The following KDELR2 variants were observed in gnomAD, a reference collection of about 807,000 sequenced individuals.
The protein encoded by KDELR2 is KDEL endoplasmic reticulum protein retention receptor 2.
KDELR2 carries 15 observed loss-of-function variants against 23.9 expected under a neutral mutation model. The ratio of observed to expected loss-of-function variants is 0.63; its 90% CI spans 0.42 to 0.97. The LOEUF (loss-of-function observed/expected upper bound fraction) is 0.97. Ranked by LOEUF, KDELR2 falls within the 50% of genes least tolerant of loss-of-function variation. The pLI, the probability that KDELR2 is intolerant of heterozygous loss-of-function variation, is 0.00. For synonymous variants in KDELR2, 119 were observed against 106.2 expected, an observed-to-expected ratio of 1.12 and a Z score of -0.74; for missense variants, 272 against 254.6, an observed-to-expected ratio of 1.07 and a Z score of -0.46.
intron 1 of KDELR2, among the ~76,000 whole-genome samples, chr7:6,479,765 C>A (rs1785848275): frequency 6.6e-6 from 1 of 152,212 alleles, no homozygotes; most frequent in Non-Finnish European, 1.5e-5. Flanking sequence ...GCGTGAGCCA[C>A]CACGCCCAGC....
At chr7:6,469,250 C>G (rs1435667249) in intron 3 of KDELR2, among the ~76,000 whole-genome samples, 2 of 152,048 alleles carry the variant, frequency 1.3e-5, no homozygotes, top group Admixed American at 1.3e-4. Context: ...CTACGCCCAG[C>G]CATAACCTCT....
chr7:6,479,690 G>T (rs1785845722), intron 1 of KDELR2, among the ~76,000 whole-genome samples: 1 of 152,028 alleles, frequency 6.6e-6, no homozygotes, highest in Non-Finnish European at 1.5e-5. Context: ...TGTTAGCCAG[G>T]ATGGTCTGGA....
chr7:6,482,349 G>A (rs890251546), intron 1 of KDELR2: 1 of 253,118 alleles, frequency 4.0e-6, no homozygotes, highest in East Asian at 1.1e-4. Context: ...TAAAGCACTC[G>A]GCTGACTACT....
In KDELR2 at chr7:6,462,690, C is replaced by CA; in HGVS notation, c.*450dup. ...CAAACAAATACAGCTCATCTTTTGCCAAAAAATAAATATAGTGGAATGCAA... is the reference window on the plus strand; with the variant it reads ...CAAACAAATACAGCTCATCTTTTGCCAAAAAAATAAATATAGTGGAATGCAA... On this transcript the variant is annotated 3_prime_UTR_variant, in exon 5 of 5. Transcript: ENST00000258739. 3.4e-6 allele frequency: 1 copy of CA among 294,564 alleles called. No individual in the cohort carries two copies. The highest frequency in any genetic ancestry group is 6.7e-5 in the East Asian group (1 of 14,916). 18.2% of individuals were successfully genotyped at this position (294,564 alleles called of 1,614,324 possible).
chr7:6,466,388 C>T lies in KDELR2; in HGVS notation c.352-65G>A. 8 of 1,575,308 alleles carry T rather than the reference C, an allele frequency of 5.1e-6. No homozygotes were observed. In the South Asian group the frequency reaches 8.2e-5, roughly 16 times the overall value. On this transcript the variant is annotated intron_variant, in intron 3 of 4. Transcript: ENST00000258739. ...CCACCAGGAGCTCAGAGGAAACACT[C>T]TTGCTTTCTTTACCACAAAGCAGCC...
chr7:6,482,374 T>C (rs1785918927), intron 1 of KDELR2: 1 of 287,480 alleles, frequency 3.5e-6, no homozygotes, highest in East Asian at 9.5e-5. Context: ...ATACAGCAAG[T>C]GCCTAAACAT....
intron 4 of KDELR2, among the ~76,000 whole-genome samples, chr7:6,464,752 T>G (rs1282506938): frequency 8.9e-6 from 1 of 112,246 alleles, no homozygotes; most frequent in African/African-American, 3.4e-5. Context: ...TTTTTTTTTT[T>G]GAGACAGAGT....
At chr7:6,483,941 T>G in intron 1 of KDELR2, 26 bp downstream of exon 1, 1 of 1,481,966 alleles carries the variant, frequency 6.7e-7, no homozygotes. Flanking sequence ...CGCCCGAGCC[T>G]CTCCGGGCCT....
chr7:6,483,729 C>G (rs1583323472), intron 1 of KDELR2, among the ~76,000 whole-genome samples: 1 of 152,320 alleles, frequency 6.6e-6, no homozygotes, highest in African/African-American at 2.4e-5. Context: ...TCCGACAGCT[C>G]AAGTTCACGC....
chr7:6,463,863 C>T (rs535021655), intron 4 of KDELR2, among the ~76,000 whole-genome samples: 1 of 151,216 alleles, frequency 6.6e-6, no homozygotes, highest in South Asian at 2.1e-4. Flanking sequence ...GAGTTCAAGA[C>T]CAGCCTAGCC....
At chr7:6,465,207 A>G (rs185860051) in intron 4 of KDELR2, among the ~76,000 whole-genome samples, 4 of 136,452 alleles carry the variant, frequency 2.9e-5, no homozygotes, top group Non-Finnish European at 6.2e-5. Context: ...TTTGAGAGAG[A>G]GAGTCTCGCA....
In KDELR2 at chr7:6,463,150, C is replaced by T. The variant is rs1285538492; in HGVS notation, c.630G>A (p.Leu210=). Residue 210 remains leucine (L), a synonymous_variant, in exon 5 of 5, where the codon TTG becomes TTA. Coordinates refer to ENST00000258739, the MANE Select transcript of KDELR2 (RefSeq NM_006854.4). The stretch of plus-strand genomic sequence containing the variant: ...TGATGGTCTTTGGCACTTATGCTGG[C>T]AAACTGAGCTTCTTTCCCTTGAGTA... ...TKVLKGKKLS[L]PA The T allele has an allele frequency of 6.2e-7, 1 of 1,613,734 alleles. No individual in the cohort carries two copies. Among genetic ancestry groups the T allele is most frequent in the Non-Finnish European group, 8.5e-7 (1 of 1,179,988 alleles).
intron 1 of KDELR2, among the ~76,000 whole-genome samples, chr7:6,478,156 C>T (rs950924192): frequency 1.3e-5 from 2 of 151,706 alleles, no homozygotes; most frequent in African/African-American, 2.4e-5. Context: ...TGCTTGCCCG[C>T]CCCCCGGTTT....
In KDELR2 at chr7:6,462,148, A is replaced by G. The variant is rs1459512855; in HGVS notation, c.*993T>C. 8 of 151,952 alleles carry G rather than the reference A, an allele frequency of 5.3e-5. No homozygotes were observed. The highest frequency in any genetic ancestry group is 3.4e-3 in the Middle Eastern group (1 of 294). The allele number at this position is 151,952 out of a possible 1,614,324, so 9.4% of individuals were successfully genotyped here. On this transcript the variant is annotated 3_prime_UTR_variant, in exon 5 of 5. Coordinates refer to ENST00000258739, the MANE Select transcript of KDELR2 (RefSeq NM_006854.4). ...TAAATAAAAAGAAAACCACACATAC[A>G]AAAAAGAATGTAAGGAATGGTTAGT...
At position 6,461,962 on chromosome 7, in the gene KDELR2, G is replaced by GA. The variant is rs1785397189; in HGVS notation, c.*1178dup. ...CCCTACAGAGCTTTTGTTGCCAATT[G>GA]AAAAACAAAAAAATCCCAACACAGG... On this transcript the variant is annotated 3_prime_UTR_variant, in exon 5 of 5. Transcript: ENST00000258739. 6.6e-6 allele frequency: 1 copy of GA among 151,566 alleles called. No homozygotes were observed. Among genetic ancestry groups the GA allele is most frequent in the Admixed American group, 6.6e-5 (1 of 15,210 alleles). 9.4% of individuals were successfully genotyped at this position (151,566 alleles called of 1,614,324 possible).
chr7:6,484,031 G>T lies in KDELR2; in HGVS notation c.27C>A (p.Asp9Glu). The change falls in exon 1 of 5, where the codon GAC becomes GAA. Residue 9 changes from aspartate to glutamate, a missense_variant. Asp to Glu is a conservative substitution (Grantham distance 45). Coordinates refer to ENST00000258739, the MANE Select transcript of KDELR2 (RefSeq NM_006854.4). Reference protein sequence around the residue: MNIFRLTGDLSHLAAIVIL... With the variant: MNIFRLTGELSHLAAIVIL... ...TGACGATGGCCGCCAGGTGGGACAGGTCCCCAGTCAGCCGGAAAATGTTCA... is the reference window on the plus strand; with the variant it reads ...TGACGATGGCCGCCAGGTGGGACAGTTCCCCAGTCAGCCGGAAAATGTTCA... The T allele has an allele frequency of 6.6e-7, 1 of 1,524,002 alleles. No homozygotes were observed. Among genetic ancestry groups the T allele is most frequent in the Non-Finnish European group, 8.8e-7 (1 of 1,133,202 alleles). 94.4% of individuals were successfully genotyped at this position (1,524,002 alleles called of 1,614,324 possible).
chr7:6,467,015 A>C (rs774466048), intron 3 of KDELR2, among the ~76,000 whole-genome samples: 2 of 152,282 alleles, frequency 1.3e-5, no homozygotes, highest in Non-Finnish European at 2.9e-5. Flanking sequence ...TAAATCACAG[A>C]AACTTAAGCA....
chr7:6,478,600 A>G (rs1292498965), intron 1 of KDELR2, among the ~76,000 whole-genome samples: 1 of 152,042 alleles, frequency 6.6e-6, no homozygotes. Context: ...TTTGTCACTT[A>G]GGTATATTAC....
intron 2 of KDELR2, among the ~76,000 whole-genome samples, chr7:6,471,157 A>G (rs1252761796): frequency 1.4e-5 from 2 of 141,212 alleles, no homozygotes; most frequent in Non-Finnish European, 3.0e-5. Context: ...AAATAAATGT[A>G]TAGCTCACAT....
Sources: allele counts gnomAD v4.1 joint callset (sites outside exome capture counted in the v4.1 genomes callset), GRCh38; gene constraint gnomAD v4.1.1; transcripts MANE v1.5; gene names NCBI Gene and HGNC (gene_info 2026-07-23, HGNC 2026-07-21).